The following PDE8B variants were observed in gnomAD, a reference collection of about 807,000 sequenced individuals.
PDE8B encodes the protein high affinity cAMP-specific and IBMX-insensitive 3',5'-cyclic phosphodiesterase 8B.
Under a neutral mutation model 101.3 loss-of-function variants are expected in PDE8B, and 26 were observed. The observed-to-expected ratio is 0.26, with a 90% CI of 0.19 to 0.36. The LOEUF (loss-of-function observed/expected upper bound fraction) is 0.36. PDE8B is among the 10% of genes least tolerant of loss of function. The pLI is 1.00. For missense variants in PDE8B, 810 were observed against 1,163.1 expected, an observed-to-expected ratio of 0.70 and a Z score of 4.42; for synonymous variants, 424 against 429.3, an observed-to-expected ratio of 0.99 and a Z score of 0.15.
the PDE8B span, among the ~76,000 whole-genome samples, chr5:77,130,485 C>T: frequency 2.0e-5 from 3 of 152,112 alleles, no homozygotes; most frequent in Admixed American, 6.5e-5. Flanking sequence ...TTATTTTCTT[C>T]CAAGTACTCT....
intron 21 of PDE8B, 60 bp downstream of exon 21, chr5:77,425,956 T>G: frequency 1.3e-6 from 2 of 1,516,926 alleles, no homozygotes; most frequent in Admixed American, 3.3e-5. Context: ...AATATTATCT[T>G]TAGTGACACA....
chr5:77,357,798 T>C (rs1311668859), intron 10 of PDE8B, among the ~76,000 whole-genome samples: 4 of 152,228 alleles, frequency 2.6e-5, no homozygotes, highest in Non-Finnish European at 5.9e-5. Flanking sequence ...TTCCTCCCTC[T>C]TTTGCCTTCT....
At chr5:77,154,835 T>C in the PDE8B span, among the ~76,000 whole-genome samples, 1 of 152,180 alleles carries the variant, frequency 6.6e-6, no homozygotes, top group Admixed American at 6.5e-5. Context: ...GACAGAAACA[T>C]TCAGTAAAAA....
chr5:77,263,982 C>T lies in PDE8B; in HGVS notation c.340-48012C>T, dbSNP rs74788457. On this transcript the variant is annotated intron_variant, in intron 1 of 21. Coordinates refer to ENST00000264917, the MANE Select transcript of PDE8B (RefSeq NM_003719.5). The stretch of plus-strand genomic sequence containing the variant: ...CCCCAGAAAAACACAAACCTACTTT[C>T]TATCTCTATAATTTGCCTATTCTGG... Among the ~76,000 whole-genome samples the T allele has an allele frequency of 3.3e-3, 498 of 152,282 alleles. 1 individual carries two copies. The highest frequency in any genetic ancestry group is 5.8e-3 in the Non-Finnish European group (395 of 68,022).
rs1767161889 is a variant in PDE8B at position 77,290,885 on chromosome 5, A to AG, written c.340-21108dup. 5 of 1,600,668 alleles carry AG rather than the reference A, an allele frequency of 3.1e-6. No individual in the cohort carries two copies. In the South Asian group the frequency reaches 5.5e-5, roughly 18 times the overall value. Reference sequence around the variant, plus strand: ...TTAGTGTGGCTGTCACAAAGATAATAGCCAAGGTTCTGGAGGACAACAAGC... The same window carrying AG: ...TTAGTGTGGCTGTCACAAAGATAATAGGCCAAGGTTCTGGAGGACAACAAGC... On this transcript the variant is annotated intron_variant, in intron 1 of 21. Transcript: ENST00000264917.
At chr5:77,225,890 C>T (rs1054869498) in intron 1 of PDE8B, among the ~76,000 whole-genome samples, 8 of 146,052 alleles carry the variant, frequency 5.5e-5, no homozygotes, top group Admixed American at 2.8e-4. Context: ...ACCCCACGCA[C>T]ACATCTCAGA....
chr5:77,351,180 A>G (rs759044364), intron 9 of PDE8B, 27 bp downstream of exon 9: 1 of 1,543,912 alleles, frequency 6.5e-7, no homozygotes, highest in East Asian at 2.2e-5. Context: ...CAACTCTTTT[A>G]GCTGAAGATA....
chr5:77,418,583 CTTAA>C (rs1180434828), intron 18 of PDE8B, 137 bp downstream of exon 18: 14 of 714,864 alleles, frequency 2.0e-5, no homozygotes, highest in Non-Finnish European at 2.8e-5. Context: ...TTGCCCTTAA[CTTAA>C]TTTGACTTTT....
intron 10 of PDE8B, among the ~76,000 whole-genome samples, chr5:77,384,962 T>G (rs972270455): frequency 2.0e-5 from 3 of 152,242 alleles, no homozygotes; most frequent in African/African-American, 4.8e-5. Flanking sequence ...TACCAGGTTT[T>G]GGTATTGGGA....
intron 15 of PDE8B, 82 bp from the exon 16 acceptor site, chr5:77,412,018 T>C: frequency 7.1e-7 from 1 of 1,410,940 alleles, no homozygotes; most frequent in Non-Finnish European, 1.0e-6. Flanking sequence ...TTTCTAGTAG[T>C]AACTATGAAG....
At chr5:77,180,569 C>T in the PDE8B span, 2 of 825,886 alleles carry the variant, frequency 2.4e-6, no homozygotes, top group East Asian at 1.2e-4. Context: ...AAGCCCAGAG[C>T]CGGCTTCAGG....
intron 1 of PDE8B, among the ~76,000 whole-genome samples, chr5:77,296,194 C>G (rs1394602375): frequency 1.3e-5 from 2 of 151,044 alleles, no homozygotes; most frequent in Non-Finnish European, 3.0e-5. Context: ...TTTCTTCTTT[C>G]TCTCCCTCCT....
rs1333678040 is a variant in PDE8B at position 77,400,234 on chromosome 5, T to C, written c.1168-14T>C. 1 of 1,582,260 alleles carries C rather than the reference T, an allele frequency of 6.3e-7. No individual in the cohort carries two copies. The highest frequency in any genetic ancestry group is 8.7e-7 in the Non-Finnish European group (1 of 1,150,970). ...ATCTTTCTCTTGTTTTATCAAACTT[T>C]TGAACGACTTTAGATTCACAAGATT... On this transcript the variant is annotated splice_polypyrimidine_tract_variant and intron_variant, in intron 10 of 21. Transcript: ENST00000264917.
At chr5:77,290,652 G>C in intron 1 of PDE8B, 1 of 1,508,966 alleles carries the variant, frequency 6.6e-7, no homozygotes, top group Admixed American at 1.7e-5. Context: ...CTGTGACTAT[G>C]CTGTTGGTTT....
the PDE8B span, among the ~76,000 whole-genome samples, chr5:77,107,859 A>G: frequency 1.3e-5 from 2 of 152,194 alleles, no homozygotes; most frequent in Non-Finnish European, 2.9e-5. Flanking sequence ...ATTATCCTTT[A>G]GTAGTTGTAT....
intron 6 of PDE8B, among the ~76,000 whole-genome samples, chr5:77,344,137 A>T (rs1413798177): frequency 6.6e-6 from 1 of 152,242 alleles, no homozygotes; most frequent in Non-Finnish European, 1.5e-5. Context: ...GGAATATTTT[A>T]TCTAAAACAA....
chr5:77,274,998 A>T (rs1763556949), intron 1 of PDE8B, among the ~76,000 whole-genome samples: 2 of 152,160 alleles, frequency 1.3e-5, no homozygotes, highest in African/African-American at 4.8e-5. Flanking sequence ...TATTTTCAAG[A>T]TACTGAGAAA....
the PDE8B span, among the ~76,000 whole-genome samples, chr5:77,127,214 A>G: frequency 6.6e-6 from 1 of 151,980 alleles, no homozygotes; most frequent in Non-Finnish European, 1.5e-5. Flanking sequence ...TGTAATCCCC[A>G]TGTGCTGAGG....
intron 5 of PDE8B, among the ~76,000 whole-genome samples, chr5:77,332,015 C>G (rs577129726): frequency 2.0e-5 from 3 of 152,254 alleles, no homozygotes; most frequent in East Asian, 3.9e-4. Flanking sequence ...TCCAAGGAAA[C>G]TCACTAACAA....
Sources: gnomAD v4.1 joint callset for allele counts (sites outside exome capture counted in the v4.1 genomes callset) on GRCh38, gnomAD v4.1.1 for gene constraint, MANE v1.5 for transcripts, NCBI Gene and HGNC (gene_info 2026-07-23, HGNC 2026-07-21) for gene names.